The following NOL4L variants were observed in gnomAD, a reference collection of about 807,000 sequenced individuals.
NOL4L encodes nucleolar protein 4 like, also known as nucleolar protein 4-like.
NOL4L carries 7 observed loss-of-function variants against 64.5 expected under a neutral mutation model. That is an observed-to-expected ratio of 0.11 (90% CI 0.06 to 0.20). The LOEUF (loss-of-function observed/expected upper bound fraction) is 0.20. Among genes scored for constraint, NOL4L ranks in the 10% least tolerant of loss-of-function variants. The probability of loss-of-function intolerance (pLI) is 1.00; values close to 1 mark genes in which losing one functional copy is unlikely to be tolerated. For synonymous variants in NOL4L, 413 were observed against 401.0 expected (o/e 1.03, Z -0.36); for missense variants, 680 against 967.1 (o/e 0.70, Z 3.94).
intron 2 of NOL4L, among the ~76,000 whole-genome samples, chr20:32,525,232 G>A (rs2018089197): frequency 1.3e-5 from 2 of 152,210 alleles, no homozygotes; most frequent in South Asian, 4.1e-4. Context: ...TTCCTAAACC[G>A]CCCAAAGAGT....
chr20:32,567,796 G>T (rs1186993631), intron 1 of NOL4L, among the ~76,000 whole-genome samples: 1 of 152,034 alleles, frequency 6.6e-6, no homozygotes, highest in Non-Finnish European at 1.5e-5. Flanking sequence ...CAATAAACAT[G>T]AGCTGACACA....
intron 6 of NOL4L, among the ~76,000 whole-genome samples, chr20:32,454,828 T>C (rs1481338844): frequency 6.6e-6 from 1 of 152,206 alleles, no homozygotes; most frequent in Admixed American, 6.5e-5. Flanking sequence ...AGCATGGCCA[T>C]GGCACAGCCC....
chr20:32,467,416 C>A (rs545299758), intron 5 of NOL4L, among the ~76,000 whole-genome samples: 17 of 152,118 alleles, frequency 1.1e-4, no homozygotes, highest in Non-Finnish European at 1.8e-4. Flanking sequence ...CAAGGACCCC[C>A]TAGCCCGGCT....
chr20:32,484,987 C>T (rs2015994106), intron 4 of NOL4L, among the ~76,000 whole-genome samples: 1 of 140,972 alleles, frequency 7.1e-6, no homozygotes, highest in African/African-American at 2.7e-5. Flanking sequence ...TACCACAGAT[C>T]AGCCTCGAAA....
At chr20:32,480,946 C>T (rs1393711355) in intron 4 of NOL4L, among the ~76,000 whole-genome samples, 1 of 152,168 alleles carries the variant, frequency 6.6e-6, no homozygotes, top group East Asian at 1.9e-4. Flanking sequence ...TGCAAACATG[C>T]CTCCTCTGCT....
intron 5 of NOL4L, among the ~76,000 whole-genome samples, chr20:32,472,274 C>T (rs1344492312): frequency 6.6e-6 from 1 of 152,246 alleles, no homozygotes; most frequent in Non-Finnish European, 1.5e-5. Context: ...GCAACCGAGT[C>T]CCAGGGGCAG....
chr20:32,579,748 A>G (rs1381629671), intron 1 of NOL4L, among the ~76,000 whole-genome samples: 2 of 152,166 alleles, frequency 1.3e-5, no homozygotes, highest in Non-Finnish European at 2.9e-5. Flanking sequence ...CCCCAGAGTT[A>G]CCCAGGACCA....
At chr20:32,550,354 C>A (rs1464691141) in intron 1 of NOL4L, among the ~76,000 whole-genome samples, 1 of 152,240 alleles carries the variant, frequency 6.6e-6, no homozygotes, top group African/African-American at 2.4e-5. Flanking sequence ...TCAAGCGATT[C>A]TCCGGCCTCG....
At chr20:32,485,506 CACTT>C (rs1447687335) in intron 4 of NOL4L, 1 of 287,402 alleles carries the variant, frequency 3.5e-6, no homozygotes, top group African/African-American at 2.2e-5. Context: ...AGAAAACTCA[CACTT>C]TCTTTTTAAA....
intron 2 of NOL4L, among the ~76,000 whole-genome samples, chr20:32,524,659 G>A (rs1056677317): frequency 2.6e-5 from 4 of 152,114 alleles, no homozygotes; most frequent in Non-Finnish European, 4.4e-5. Context: ...TGCGTACCCC[G>A]TGATGCCAGG....
chr20:32,483,617 C>T (rs2015893400), intron 4 of NOL4L: 1 of 30,936 alleles, frequency 3.2e-5, no homozygotes, highest in Non-Finnish European at 3.7e-5. Flanking sequence ...GCACCGGGCA[C>T]GGGGAGGCGG....
chr20:32,513,464 C>T (rs911646274), intron 3 of NOL4L, among the ~76,000 whole-genome samples: 27 of 152,034 alleles, frequency 1.8e-4, no homozygotes, highest in Middle Eastern at 3.2e-3. Flanking sequence ...GGGAATGGGA[C>T]GTTATTGCTT....
chr20:32,576,921 G>A (rs902631759), intron 1 of NOL4L, among the ~76,000 whole-genome samples: 8 of 152,178 alleles, frequency 5.3e-5, no homozygotes, highest in Non-Finnish European at 1.0e-4. Context: ...GCCAGGGGTG[G>A]GTGGAGAGCT....
At chr20:32,479,599 C>T (rs2015599633) in intron 4 of NOL4L, among the ~76,000 whole-genome samples, 1 of 152,188 alleles carries the variant, frequency 6.6e-6, no homozygotes, top group African/African-American at 2.4e-5. Flanking sequence ...CAATCCATTA[C>T]TTCTGGGTTC....
intron 4 of NOL4L, among the ~76,000 whole-genome samples, chr20:32,482,167 A>G (rs1214273828): frequency 6.6e-6 from 1 of 152,126 alleles, no homozygotes; most frequent in African/African-American, 2.4e-5. Flanking sequence ...TTAGAGGGGG[A>G]AAAAAGGTTC....
intron 5 of NOL4L, among the ~76,000 whole-genome samples, chr20:32,458,687 T>G (rs1012469495): frequency 2.6e-5 from 4 of 152,220 alleles, no homozygotes; most frequent in Admixed American, 6.5e-5. Context: ...TGGAGGGCCT[T>G]AGATTCCTCC....
At chr20:32,457,323 C>T (rs1384525076) in intron 5 of NOL4L, among the ~76,000 whole-genome samples, 2 of 152,228 alleles carry the variant, frequency 1.3e-5, no homozygotes, top group Non-Finnish European at 2.9e-5. Context: ...GGGTCACTGT[C>T]AGGTGAGCAC....
intron 4 of NOL4L, among the ~76,000 whole-genome samples, chr20:32,491,736 T>C (rs1372765522): frequency 2.0e-5 from 3 of 152,132 alleles, no homozygotes; most frequent in Non-Finnish European, 4.4e-5. Flanking sequence ...TTGGAGAGGC[T>C]CAGAGAAACT....
intron 1 of NOL4L, among the ~76,000 whole-genome samples, chr20:32,581,436 G>A (rs116631851): frequency 1.3e-3 from 205 of 152,346 alleles, no homozygotes; most frequent in African/African-American, 4.9e-3. Flanking sequence ...ATCGACCCGA[G>A]GCTGGCCGGG....
Sources: allele counts gnomAD v4.1 joint callset (sites outside exome capture counted in the v4.1 genomes callset), GRCh38; gene constraint gnomAD v4.1.1; transcripts MANE v1.5; gene names NCBI Gene and HGNC (gene_info 2026-07-23, HGNC 2026-07-21).